The following IRGM variants were observed in gnomAD, a reference collection of about 807,000 sequenced individuals.
IRGM encodes immunity-related GTPase family M protein.
For synonymous variants in IRGM, 98 were observed against 80.6 expected (o/e 1.22, Z -1.16); for missense variants, 288 against 219.9 (o/e 1.31, Z -1.96).
intron 3 of IRGM, chr5:150,896,860 C>A (rs1754806897): frequency 6.2e-7 from 1 of 1,613,578 alleles, no homozygotes; most frequent in African/African-American, 1.3e-5. Flanking sequence ...CCTTGACAGA[C>A]TTTTAAAATG....
rs540873951 is a variant in IRGM, at chr5:150,870,803, C to T, written c.159-7177C>T. Among the ~76,000 whole-genome samples, 9 of 152,136 alleles carry T rather than the reference C, an allele frequency of 5.9e-5. 1 individual carries two copies. In the South Asian group the frequency reaches 1.0e-3, roughly 18 times the overall value. ...GAGCACTCAGTAATCATATAAGTTACGCGATCATTTGTTTTGCTTAACTGT... is the reference window on the plus strand; with the variant it reads ...GAGCACTCAGTAATCATATAAGTTATGCGATCATTTGTTTTGCTTAACTGT... On this transcript the variant is annotated intron_variant and NMD_transcript_variant, in intron 1 of 3. Transcript: ENST00000520549.
intron 1 of IRGM, among the ~76,000 whole-genome samples, chr5:150,859,695 A>G (rs1754108829): frequency 6.6e-6 from 1 of 151,946 alleles, no homozygotes; most frequent in South Asian, 2.1e-4. Flanking sequence ...TTTCTTCTAG[A>G]TTTTCTAGTT....
At chr5:150,890,058 A>C (rs907437230) in intron 3 of IRGM, among the ~76,000 whole-genome samples, 2 of 151,926 alleles carry the variant, frequency 1.3e-5, no homozygotes, top group African/African-American at 4.8e-5. Flanking sequence ...CTTCCTCTTC[A>C]ATTTTGTGGA....
intron 1 of IRGM, among the ~76,000 whole-genome samples, chr5:150,860,607 G>T (rs1302762810): frequency 1.3e-5 from 2 of 152,138 alleles, no homozygotes; most frequent in Non-Finnish European, 2.9e-5. Flanking sequence ...TAATAATTAT[G>T]CAGGCACCAC....
chr5:150,883,326 G>A (rs1013391677), intron 3 of IRGM, among the ~76,000 whole-genome samples: 9 of 151,716 alleles, frequency 5.9e-5, no homozygotes, highest in East Asian at 3.9e-4. Flanking sequence ...AAAAAACAAC[G>A]TAGTGTTATA....
chr5:150,893,960 A>T (rs114653811), intron 3 of IRGM, among the ~76,000 whole-genome samples: 3,704 of 152,076 alleles, frequency 0.024, 160 homozygotes, highest in African/African-American at 0.085. Context: ...GAGTTCCCAC[A>T]TCCCTGTCCA....
At chr5:150,850,614 G>T (rs1753960860), downstream of IRGM, among the ~76,000 whole-genome samples, 1 of 152,146 alleles carries the variant, frequency 6.6e-6, no homozygotes, top group Non-Finnish European at 1.5e-5. Context: ...AGGCTGGAGT[G>T]CAGTGGTGCC....
At chr5:150,864,189 A>G (rs945929512) in intron 1 of IRGM, among the ~76,000 whole-genome samples, 3 of 152,208 alleles carry the variant, frequency 2.0e-5, no homozygotes, top group African/African-American at 7.2e-5. Flanking sequence ...TGATCACTCT[A>G]GCCCTGCCAA....
At chr5:150,856,814 C>T (rs905996680) in intron 1 of IRGM, among the ~76,000 whole-genome samples, 2 of 150,280 alleles carry the variant, frequency 1.3e-5, no homozygotes, top group Admixed American at 6.6e-5. Context: ...ATACATACAC[C>T]TGCTGTGGAT....
At position 150,848,115 on chromosome 5, in the gene IRGM, TTATTGAAGATG is replaced by T; in HGVS notation, c.-8_3del. 1 of 1,534,756 alleles carries T rather than the reference TTATTGAAGATG, an allele frequency of 6.5e-7. No individual in the cohort carries two copies. The highest frequency in any genetic ancestry group is 8.8e-7 in the Non-Finnish European group (1 of 1,137,212). ...GGCGCCTGGCCAGCATTGGGGTATTTTATTGAAGATGGAAGCCATGAATGTTGAGAAAGCCT... is the reference window on the plus strand; with the variant it reads ...GGCGCCTGGCCAGCATTGGGGTATTTGAAGCCATGAATGTTGAGAAAGCCT... On this transcript the variant is annotated start_lost and 5_prime_UTR_variant, in exon 2 of 2. Transcript: ENST00000522154.
At position 150,885,248 on chromosome 5, in the gene IRGM, C is replaced by T. The variant is rs114580338; in HGVS notation, c.*140+5602C>T. 4.7e-3 allele frequency among the ~76,000 whole-genome samples: 716 copies of T among 152,000 alleles called. 4 individuals carry two copies. The highest frequency in any genetic ancestry group is 0.016 in the African/African-American group (684 of 41,500). On this transcript the variant is annotated intron_variant and NMD_transcript_variant, in intron 3 of 3. Coordinates refer to the IRGM transcript ENST00000520549. The stretch of plus-strand genomic sequence containing the variant: ...CCAGGTGTGCAGCCTTATTTTGGAG[C>T]TCTCTATCCTGTTCCATTGGTCTAT...
intron 3 of IRGM, among the ~76,000 whole-genome samples, chr5:150,879,883 A>T (rs1341716624): frequency 6.6e-6 from 1 of 152,162 alleles, no homozygotes. Context: ...TTGAAGCAGT[A>T]TATTGTAAGA....
At chr5:150,876,786 C>T (rs1232127841) in intron 1 of IRGM, among the ~76,000 whole-genome samples, 1 of 152,156 alleles carries the variant, frequency 6.6e-6, no homozygotes, top group Non-Finnish European at 1.5e-5. Context: ...AAAGGGAATA[C>T]AGAATGGGTA....
rs1754628807 is a variant in IRGM at position 150,892,614 on chromosome 5, AAG to A, written c.*141-7972_*141-7971del. 3.9e-5 allele frequency among the ~76,000 whole-genome samples: 6 copies of A among 152,248 alleles called. No individual in the cohort carries two copies. The South Asian group carries it at 1.2e-3, about 32-fold the overall frequency. ...ATTCACCAGTGTAATGTTAACTAGA[AAG>A]AGTCAAGTAAATATTCTTGCCTTTT... On this transcript the variant is annotated intron_variant and NMD_transcript_variant, in intron 3 of 3. Transcript: ENST00000520549.
intron 3 of IRGM, among the ~76,000 whole-genome samples, chr5:150,886,324 T>C (rs1423841863): frequency 6.6e-6 from 1 of 152,144 alleles, no homozygotes; most frequent in Non-Finnish European, 1.5e-5. Context: ...TTGAGGATTT[T>C]TGCATCAATG....
downstream of IRGM, among the ~76,000 whole-genome samples, chr5:150,851,525 A>G (rs890735899): frequency 6.6e-6 from 1 of 152,214 alleles, no homozygotes; most frequent in African/African-American, 2.4e-5. Context: ...AAATTTTTGT[A>G]TATGATTGAA....
In IRGM at chr5:150,858,505, A is replaced by G. The variant is rs529308506; in HGVS notation, c.158+9851A>G. 2.6e-5 allele frequency among the ~76,000 whole-genome samples: 4 copies of G among 152,318 alleles called. No individual in the cohort carries two copies. The South Asian group carries it at 6.2e-4, about 24-fold the overall frequency. The stretch of plus-strand genomic sequence containing the variant: ...GATGGGGATGGCATTGAATCTATCA[A>G]TTACCTTGGGCAGTATGGCCATTTT... On this transcript the variant is annotated intron_variant and NMD_transcript_variant, in intron 1 of 3. Transcript: ENST00000520549.
rs372065825 is a variant in IRGM, at chr5:150,899,947, AAC to A, written c.*141-638_*141-637del. 3.1e-3 allele frequency among the ~76,000 whole-genome samples: 467 copies of A among 152,160 alleles called. 11 individuals are homozygous for A. Among genetic ancestry groups the A allele is most frequent in the African/African-American group, 9.8e-3 (409 of 41,544 alleles). The stretch of plus-strand genomic sequence containing the variant: ...AGCCTCCTTTGTTTTCTTCTTTGCT[AAC>A]ACAGTCTCATCTCAGTCATCTCAAA... On this transcript the variant is annotated intron_variant and NMD_transcript_variant, in intron 3 of 3. Transcript: ENST00000520549.
At chr5:150,895,799 G>A (rs777600043) in intron 3 of IRGM, 9 of 1,613,552 alleles carry the variant, frequency 5.6e-6, no homozygotes, top group South Asian at 4.4e-5. Context: ...GATGTATGAT[G>A]AGCTGTGACT....
Sources: gnomAD v4.1 joint callset for allele counts (sites outside exome capture counted in the v4.1 genomes callset) on GRCh38, gnomAD v4.1.1 for gene constraint, MANE v1.5 for transcripts, NCBI Gene and HGNC (gene_info 2026-07-23, HGNC 2026-07-21) for gene names.